The following NHSL3 variants were observed in gnomAD, a reference collection of about 807,000 sequenced individuals.
NHSL3 encodes NHS-like protein 3.
At chr1:32,770,770 C>T in the NHSL3 span, 1 of 1,578,970 alleles carries the variant, frequency 6.3e-7, no homozygotes, top group Non-Finnish European at 8.6e-7. This position sits in a 1 kb window ranked among gnomAD's most constrained non-coding sequence, Gnocchi z 8.3. Context: ...TAAGCAGCAG[C>T]CCCAGCTGCC....
the NHSL3 span, chr1:32,769,830 C>G: frequency 1.9e-6 from 3 of 1,610,248 alleles, no homozygotes; most frequent in South Asian, 2.2e-5. Flanking sequence ...GGGTGGGGAG[C>G]CTTGGTCATC....
the NHSL3 span, chr1:32,768,101 A>C: frequency 3.1e-6 from 5 of 1,609,978 alleles, no homozygotes; most frequent in Non-Finnish European, 4.3e-6. Flanking sequence ...GACCATGGAG[A>C]CACCCAGAGT....
At chr1:32,754,195 G>C in the NHSL3 span, 5 of 709,790 alleles carry the variant, frequency 7.0e-6, no homozygotes, top group Non-Finnish European at 1.3e-5. Flanking sequence ...GGGCCGGGGT[G>C]GGGGCGGGGC....
chr1:32,748,936 G>A, the NHSL3 span, among the ~76,000 whole-genome samples: 1 of 152,132 alleles, frequency 6.6e-6, no homozygotes, highest in African/African-American at 2.4e-5. Context: ...GGTCCAGACG[G>A]GAGAGGGAGC....
chr1:32,772,881 G>A, the NHSL3 span: 20 of 1,613,936 alleles, frequency 1.2e-5, no homozygotes, highest in African/African-American at 2.4e-4. Flanking sequence ...AGAAAGAGCT[G>A]GCCTGACCAC....
chr1:32,752,954 T>TACACAC, the NHSL3 span, among the ~76,000 whole-genome samples: 82 of 3,290 alleles, frequency 0.025, 2 homozygotes, highest in African/African-American at 0.035. Flanking sequence ...CACACACATA[T>TACACAC]ATATATATAT....
the NHSL3 span, chr1:32,742,207 T>C: frequency 5.6e-6 from 7 of 1,243,786 alleles, no homozygotes; most frequent in East Asian, 3.2e-5. Context: ...GGTCGGCACC[T>C]GGGCTGAGCG....
the NHSL3 span, among the ~76,000 whole-genome samples, chr1:32,745,646 C>T: frequency 6.6e-6 from 1 of 151,836 alleles, no homozygotes; most frequent in Admixed American, 6.6e-5. Flanking sequence ...TTCACCCCTC[C>T]AAGCCTCAGT....
the NHSL3 span, chr1:32,774,039 C>T: frequency 6.9e-3 from 1,049 of 152,780 alleles, 9 homozygotes; most frequent in Middle Eastern, 0.01. Context: ...GTGGTGGTCC[C>T]CTAGGTATCA....
At chr1:32,755,417 C>T in the NHSL3 span, among the ~76,000 whole-genome samples, 4 of 152,244 alleles carry the variant, frequency 2.6e-5, no homozygotes, top group Admixed American at 1.3e-4. Context: ...TTGATGATCT[C>T]ATCGCTCCAT....
chr1:32,771,618 C>G, the NHSL3 span: 2 of 1,613,186 alleles, frequency 1.2e-6, no homozygotes, highest in South Asian at 1.1e-5. Context: ...AGCTTGTCAG[C>G]TCCCCGGCTG....
chr1:32,768,112 A>G, the NHSL3 span: 16 of 1,595,330 alleles, frequency 1.0e-5, no homozygotes, highest in Non-Finnish European at 1.3e-5. Flanking sequence ...CACCCAGAGT[A>G]TCCAGGTGAG....
At chr1:32,767,989 C>T in the NHSL3 span, 2 of 1,611,838 alleles carry the variant, frequency 1.2e-6, no homozygotes, top group South Asian at 1.1e-5. Flanking sequence ...CTCCCCTCTC[C>T]TCCCTCCAGT....
the NHSL3 span, chr1:32,771,393 TCCACCC>T: frequency 1.1e-6 from 1 of 937,108 alleles, no homozygotes; most frequent in Non-Finnish European, 1.5e-6. Context: ...CATCTTATCA[TCCACCC>T]CCACCACCCA....
At chr1:32,750,120 C>T in the NHSL3 span, among the ~76,000 whole-genome samples, 11 of 152,152 alleles carry the variant, frequency 7.2e-5, no homozygotes, top group African/African-American at 1.9e-4. Context: ...CTTCCTTGTG[C>T]GGACCCAAAG....
chr1:32,756,686 G>C, the NHSL3 span, among the ~76,000 whole-genome samples: 1 of 148,934 alleles, frequency 6.7e-6, no homozygotes, highest in Non-Finnish European at 1.5e-5. Flanking sequence ...AAAAAAGAAT[G>C]GGCTGGATGC....
the NHSL3 span, chr1:32,772,404 GGTGGGCC>G: frequency 6.4e-7 from 1 of 1,551,576 alleles, no homozygotes. Context: ...TCCTGCAGCT[GGTGGGCC>G]CAGAGGAGAA....
the NHSL3 span, chr1:32,769,955 T>A: frequency 1.2e-6 from 2 of 1,607,042 alleles, no homozygotes; most frequent in African/African-American, 2.7e-5. Context: ...ATCCCCACAG[T>A]GGACGGCCGC....
chr1:32,756,144 A>C, the NHSL3 span, among the ~76,000 whole-genome samples: 2 of 152,202 alleles, frequency 1.3e-5, no homozygotes, highest in Admixed American at 1.3e-4. Flanking sequence ...CAATGTCAAG[A>C]CAACACAGAA....
Sources: gnomAD v4.1 joint callset for allele counts (sites outside exome capture counted in the v4.1 genomes callset) on GRCh38, gnomAD v4.1.1 for gene constraint, Gnocchi (gnomAD v3.1) non-coding constraint, MANE v1.5 for transcripts, NCBI Gene and HGNC (gene_info 2026-07-23, HGNC 2026-07-21) for gene names.